LMNTD1: variants seen among roughly 807,000 people sequenced by gnomAD.
LMNTD1 encodes lamin tail domain-containing protein 1.
A neutral mutation model predicts 50.9 loss-of-function variants in LMNTD1; 35 were observed. The ratio of observed to expected loss-of-function variants is 0.69; its 90% CI spans 0.53 to 0.91. LMNTD1 has a LOEUF of 0.91. LMNTD1 is among the 40% of genes least tolerant of loss of function. The pLI, the probability that LMNTD1 is intolerant of heterozygous loss-of-function variation, is 0.00. For synonymous variants in LMNTD1, 153 were observed against 161.9 expected, an observed-to-expected ratio of 0.94 and a Z score of 0.42; for missense variants, 470 against 475.5, an observed-to-expected ratio of 0.99 and a Z score of 0.11.
chr12:25,626,880 C>A (rs550842093), intron 1 of LMNTD1, among the ~76,000 whole-genome samples: 11 of 152,234 alleles, frequency 7.2e-5, no homozygotes, highest in African/African-American at 2.6e-4. Flanking sequence ...TTTCCTTGAT[C>A]AAAAAGATTT....
intron 1 of LMNTD1, among the ~76,000 whole-genome samples, chr12:25,612,513 A>G (rs1037257870): frequency 4.6e-5 from 7 of 152,110 alleles, no homozygotes; most frequent in African/African-American, 1.7e-4. Context: ...CATCTAGGAA[A>G]CCTTTGCTGA....
chr12:25,539,873 TA>T (rs879921387), intron 4 of LMNTD1, among the ~76,000 whole-genome samples: 5 of 150,640 alleles, frequency 3.3e-5, no homozygotes, highest in Non-Finnish European at 5.9e-5. Flanking sequence ...ATAGACGCAA[TA>T]AAAAATCATA....
At chr12:25,576,903 T>C (rs1592056060) in intron 1 of LMNTD1, among the ~76,000 whole-genome samples, 4 of 152,308 alleles carry the variant, frequency 2.6e-5, no homozygotes, top group South Asian at 2.1e-4. Flanking sequence ...TTCAGCTTTC[T>C]ACATATGGCT....
intron 9 of LMNTD1, among the ~76,000 whole-genome samples, chr12:25,502,119 A>G (rs1939426413): frequency 6.6e-6 from 1 of 152,218 alleles, no homozygotes; most frequent in Admixed American, 6.5e-5. Flanking sequence ...AGTTAAGCAA[A>G]ATAATAACCG....
chr12:25,596,804 T>C (rs1455913638), intron 1 of LMNTD1, among the ~76,000 whole-genome samples: 1 of 152,038 alleles, frequency 6.6e-6, no homozygotes, highest in Non-Finnish European at 1.5e-5. Flanking sequence ...TAAGCTACTC[T>C]TACATAGAAG....
At chr12:25,644,244 G>A (rs552069230) in intron 1 of LMNTD1, among the ~76,000 whole-genome samples, 2 of 145,602 alleles carry the variant, frequency 1.4e-5, no homozygotes, top group African/African-American at 5.1e-5. Flanking sequence ...GGGAGGTCAA[G>A]GCAGGAGGAT....
At chr12:25,577,921 G>T (rs935785352) in intron 1 of LMNTD1, among the ~76,000 whole-genome samples, 14 of 152,126 alleles carry the variant, frequency 9.2e-5, no homozygotes, top group African/African-American at 3.4e-4. Context: ...AGCATATATG[G>T]GGTTGGTAGC....
At chr12:25,635,690 CA>C (rs1946817391) in intron 1 of LMNTD1, among the ~76,000 whole-genome samples, 1 of 152,052 alleles carries the variant, frequency 6.6e-6, no homozygotes, top group South Asian at 2.1e-4. Flanking sequence ...GAAGACTAAG[CA>C]AAAAGAACAA....
chr12:25,605,283 A>G (rs1422763089), intron 1 of LMNTD1, among the ~76,000 whole-genome samples: 1 of 152,004 alleles, frequency 6.6e-6, no homozygotes, highest in East Asian at 1.9e-4. Context: ...ATTTTCTCCC[A>G]TGTTGTAGGT....
chr12:25,646,023 G>C (rs115409609), intron 1 of LMNTD1, among the ~76,000 whole-genome samples: 1,999 of 152,200 alleles, frequency 0.013, 38 homozygotes, highest in African/African-American at 0.045. Flanking sequence ...ATCCTGGGTT[G>C]GTTATTGCAT....
chr12:25,617,349 G>T (rs1365727457), intron 1 of LMNTD1, among the ~76,000 whole-genome samples: 2 of 152,180 alleles, frequency 1.3e-5, no homozygotes, highest in African/African-American at 4.8e-5. Flanking sequence ...TGGTTCTGAG[G>T]TGCCACCAAA....
intron 1 of LMNTD1, among the ~76,000 whole-genome samples, chr12:25,622,231 C>T (rs16929132): frequency 0.1 from 15,583 of 152,036 alleles, 1,144 homozygotes; most frequent in African/African-American, 0.19. Context: ...CTGGTATTGC[C>T]TTGTATGATA....
At chr12:25,585,490 T>G (rs954013620) in intron 1 of LMNTD1, among the ~76,000 whole-genome samples, 3 of 152,168 alleles carry the variant, frequency 2.0e-5, no homozygotes, top group African/African-American at 7.2e-5. Context: ...ACTTCTTAAC[T>G]CAAGGGAGAT....
chr12:25,582,014 G>A (rs763997379), intron 1 of LMNTD1, among the ~76,000 whole-genome samples: 4 of 152,128 alleles, frequency 2.6e-5, no homozygotes, highest in African/African-American at 4.8e-5. Flanking sequence ...TTTATTCCTC[G>A]ACTTTTATCT....
chr12:25,535,877 A>G (rs1402556839), intron 4 of LMNTD1, among the ~76,000 whole-genome samples: 1 of 152,164 alleles, frequency 6.6e-6, no homozygotes, highest in Non-Finnish European at 1.5e-5. Flanking sequence ...AAGTTAAAGT[A>G]TGGAAAAATA....
chr12:25,499,243 T>A (rs965607682), intron 9 of LMNTD1, among the ~76,000 whole-genome samples: 1 of 152,068 alleles, frequency 6.6e-6, no homozygotes, highest in African/African-American at 2.4e-5. Context: ...GGCTGTTTTT[T>A]AAATTTTTTT....
chr12:25,520,699 C>CT (rs890859363), intron 6 of LMNTD1, among the ~76,000 whole-genome samples: 4 of 152,102 alleles, frequency 2.6e-5, no homozygotes, highest in Admixed American at 1.3e-4. Flanking sequence ...GTGATTTCAT[C>CT]TTTTTTGGGT....
chr12:25,478,661 G>A (rs758095324), intron 9 of LMNTD1, among the ~76,000 whole-genome samples: 6 of 152,024 alleles, frequency 3.9e-5, no homozygotes, highest in South Asian at 2.1e-4. Context: ...CGTGGGTACC[G>A]TGTAATCCCA....
chr12:25,599,087 C>A (rs1945907440), intron 1 of LMNTD1, among the ~76,000 whole-genome samples: 1 of 151,924 alleles, frequency 6.6e-6, no homozygotes, highest in Non-Finnish European at 1.5e-5. Flanking sequence ...AAACAAACTT[C>A]AACAATACAT....
Sources: allele counts gnomAD v4.1 joint callset (sites outside exome capture counted in the v4.1 genomes callset), GRCh38; gene constraint gnomAD v4.1.1; transcripts MANE v1.5; gene names NCBI Gene and HGNC (gene_info 2026-07-23, HGNC 2026-07-21).